The following ANKRD24 variants were observed in gnomAD, a reference collection of about 807,000 sequenced individuals.
ANKRD24 encodes ankyrin repeat domain 24.
A neutral mutation model predicts 127.8 loss-of-function variants in ANKRD24; 109 were observed. The ratio of observed to expected loss-of-function variants is 0.85; its 90% CI spans 0.73 to 1.00. ANKRD24 has a LOEUF of 1.00. Ranked by LOEUF, ANKRD24 falls within the 50% of genes least tolerant of loss-of-function variation. The pLI is 0.00. For synonymous variants in ANKRD24, 743 were observed against 671.1 expected (o/e 1.11, Z -1.66); for missense variants, 1,648 against 1,570.2 (o/e 1.05, Z -0.84).
chr19:4,212,226 A>G (rs1969780839), intron 13 of ANKRD24, among the ~76,000 whole-genome samples: 3 of 152,082 alleles, frequency 2.0e-5, no homozygotes, highest in Non-Finnish European at 4.4e-5. Flanking sequence ...AAATAAATAA[A>G]TAGGAATGAA....
At position 4,199,585 on chromosome 19, in the gene ANKRD24, A is replaced by G. The variant is rs1285073171; in HGVS notation, c.37-98A>G. 5.6e-6 allele frequency: 8 copies of G among 1,439,704 alleles called. No individual in the cohort carries two copies. The African/African-American group carries it at 1.0e-4, about 18-fold the overall frequency. 89.2% of individuals were successfully genotyped at this position (1,439,704 alleles called of 1,614,324 possible). A position where few individuals can be genotyped will look rare whatever the true frequency, so the allele number is the denominator to read the frequency against. On this transcript the variant is annotated intron_variant, in intron 2 of 21. Transcript: ENST00000318934. This position sits in a 1 kb window ranked among gnomAD's most constrained non-coding sequence, Gnocchi z 5.2. ...GATGCTGGTGGTGGGCTTTTGTTGG[A>G]CAACTGGGGTGATGGGCCTGGGGGC...
At chr19:4,219,509 G>A in intron 18 of ANKRD24, 82 bp from the exon 19 acceptor site, 1 of 1,476,002 alleles carries the variant, frequency 6.8e-7, no homozygotes, top group Non-Finnish European at 9.1e-7. Context: ...AAAGAACAAA[G>A]TAGAAGGATC....
intron 11 of ANKRD24, among the ~76,000 whole-genome samples, chr19:4,209,403 C>T (rs906284618): frequency 1.4e-4 from 21 of 149,872 alleles, no homozygotes; most frequent in African/African-American, 4.4e-4. Context: ...CCACTGAGCG[C>T]GACCCCTCTC....
At chr19:4,200,269 C>CTTTTTTCAGCGGGGAACATT in intron 5 of ANKRD24, 98 bp downstream of exon 5, 1 of 1,311,420 alleles carries the variant, frequency 7.6e-7, no homozygotes, top group Non-Finnish European at 1.0e-6. Context: ...CAATGTTCCC[C>CTTTTTTCAGCGGGGAACATT]GCTGAAAAAA....
intron 11 of ANKRD24, among the ~76,000 whole-genome samples, chr19:4,209,605 A>G (rs946439674): frequency 4.0e-5 from 6 of 151,800 alleles, no homozygotes; most frequent in Non-Finnish European, 7.4e-5. Flanking sequence ...GTGCGCCACC[A>G]TGCCCAGCTA....
intron 2 of ANKRD24, among the ~76,000 whole-genome samples, chr19:4,189,408 G>A (rs1436580461): frequency 2.6e-5 from 4 of 151,176 alleles, no homozygotes; most frequent in African/African-American, 7.3e-5. Flanking sequence ...GCACTACCAC[G>A]CCCAGCAATT....
chr19:4,193,070 G>T (rs985455234), intron 2 of ANKRD24, among the ~76,000 whole-genome samples: 2 of 151,898 alleles, frequency 1.3e-5, no homozygotes, highest in East Asian at 1.9e-4. Flanking sequence ...GGAGGCCGAG[G>T]TGAGTGGATC....
chr19:4,183,345 A>G (rs928382448), intron 1 of ANKRD24: 41 of 986,314 alleles, frequency 4.2e-5, no homozygotes, highest in South Asian at 2.3e-4. Context: ...CTCAAGGTCA[A>G]TGGGGCTGGT....
chr19:4,210,897 G>A (rs1182055423), intron 13 of ANKRD24, among the ~76,000 whole-genome samples: 1 of 151,590 alleles, frequency 6.6e-6, no homozygotes, highest in Non-Finnish European at 1.5e-5. Flanking sequence ...GCAATGGTAC[G>A]ATCTCGGCTT....
At chr19:4,186,482 G>T in intron 2 of ANKRD24, 21 bp downstream of exon 2, 1 of 1,586,112 alleles carries the variant, frequency 6.3e-7, no homozygotes, top group East Asian at 2.3e-5. Context: ...GGCCCTAGAT[G>T]CCCGATACAC....
At chr19:4,220,677 C>T (rs903524941) in intron 19 of ANKRD24, among the ~76,000 whole-genome samples, 3 of 151,992 alleles carry the variant, frequency 2.0e-5, no homozygotes, top group Non-Finnish European at 2.9e-5. Context: ...GCCTCAGCCT[C>T]CCGAGTAGCT....
rs375655879 is a variant in ANKRD24, at chr19:4,202,058, G to A, written c.376G>A (p.Gly126Arg). Residue 126 changes from glycine (G) to arginine (R), a missense_variant, in exon 6 of 22, where the codon GGG becomes AGG. Gly to Arg is a moderately radical substitution (Grantham distance 125). Coordinates refer to ENST00000318934, the MANE Select transcript of ANKRD24 (RefSeq NM_001393985.1). ...TGCCCTCCACCTGGCCGCCAAATACGGGCACCCACAGTGCTTGAAGCAACT... is the reference window on the plus strand; with the variant it reads ...TGCCCTCCACCTGGCCGCCAAATACAGGCACCCACAGTGCTTGAAGCAACT... The part of the protein sequence containing the change: ...YNALHLAAKY[G>R]HPQCLKQLLQ... The A allele has an allele frequency of 3.0e-5, 48 of 1,613,602 alleles. No individual in the cohort carries two copies. The highest frequency in any genetic ancestry group is 2.0e-4 in the African/African-American group (15 of 74,826).
chr19:4,208,031 C>G lies in ANKRD24; in HGVS notation c.832+63C>G. The G allele has an allele frequency of 8.6e-6, 12 of 1,400,132 alleles. No individual in the cohort carries two copies. In the South Asian group the frequency reaches 1.8e-4, roughly 21 times the overall value. The allele number at this position is 1,400,132 out of a possible 1,614,324, so 86.7% of individuals were successfully genotyped here. ...GGCAGCTTCTTGTCACTCCCCTTCT[C>G]TTTATCGTGAATAGTTTCAAGGTAC... On this transcript the variant is annotated intron_variant, in intron 10 of 21. Transcript: ENST00000318934.
chr19:4,222,947 C>T (rs932929085), intron 20 of ANKRD24, among the ~76,000 whole-genome samples, 152 bp downstream of exon 20: 1 of 152,100 alleles, frequency 6.6e-6, no homozygotes. Context: ...CCAGGAAATA[C>T]TTCCTTTATT....
In ANKRD24 at chr19:4,217,644, G is replaced by A. The variant is rs1013919676; in HGVS notation, c.2484G>A (p.Glu828=). 1 of 1,286,882 alleles carries A rather than the reference G, an allele frequency of 7.8e-7. No individual in the cohort carries two copies. The highest frequency in any genetic ancestry group is 9.8e-7 in the Non-Finnish European group (1 of 1,020,600). 79.7% of individuals were successfully genotyped at this position (1,286,882 alleles called of 1,614,324 possible). Residue 828 remains glutamate, a synonymous_variant, in exon 18 of 22, where the codon GAG becomes GAA. Transcript: ENST00000318934. ...ARASRLLAEE[E]ARGLRAELAQ... ...CCAGCCGGCTGCTGGCGGAGGAGGAGGCGCGGGGCCTGCGGGCCGAGCTGG... is the reference window on the plus strand; with the variant it reads ...CCAGCCGGCTGCTGGCGGAGGAGGAAGCGCGGGGCCTGCGGGCCGAGCTGG...
chr19:4,210,013 G>A (rs780550248), intron 11 of ANKRD24, 45 bp from the exon 12 acceptor site: 2 of 1,179,296 alleles, frequency 1.7e-6, no homozygotes, highest in African/African-American at 3.0e-5. Flanking sequence ...GGCTGGCATG[G>A]CCCCCCGATC....
At chr19:4,185,504 A>G (rs1180441100) in intron 1 of ANKRD24, among the ~76,000 whole-genome samples, 1 of 152,140 alleles carries the variant, frequency 6.6e-6, no homozygotes, top group African/African-American at 2.4e-5. Context: ...CCTTTCACAC[A>G]TAGGGCCTCA....
At chr19:4,207,405 A>C in intron 8 of ANKRD24, 93 bp downstream of exon 8, 1 of 1,581,102 alleles carries the variant, frequency 6.3e-7, no homozygotes, top group Non-Finnish European at 8.7e-7. Context: ...AAAGTCTGAG[A>C]AAGTTTGAGG....
At chr19:4,201,020 TGG>T (rs1008527870) in intron 5 of ANKRD24, among the ~76,000 whole-genome samples, 1 of 151,974 alleles carries the variant, frequency 6.6e-6, no homozygotes, top group Non-Finnish European at 1.5e-5. Context: ...GCAAAGTATC[TGG>T]GGCAAGAGAA....
Sources: allele counts gnomAD v4.1 joint callset (sites outside exome capture counted in the v4.1 genomes callset), GRCh38; gene constraint gnomAD v4.1.1; non-coding constraint Gnocchi (gnomAD v3.1); transcripts MANE v1.5; gene names NCBI Gene and HGNC (gene_info 2026-07-23, HGNC 2026-07-21).